Variants in PCDH11X observed in about 807,000 individuals in gnomAD.
PCDH11X encodes the protein protocadherin 11 X-linked, also known as protocadherin-11 X-linked.
A neutral mutation model predicts 53.3 loss-of-function variants in PCDH11X; 18 were observed. That is an observed-to-expected ratio of 0.34 (90% confidence interval 0.23 to 0.50). PCDH11X has a LOEUF of 0.50. PCDH11X is among the 20% of genes least tolerant of loss of function. PCDH11X has a pLI of 0.98. For synonymous variants in PCDH11X, 279 were observed against 393.3 expected (o/e 0.71, Z 3.44); for missense variants, 570 against 1,032.4 (o/e 0.55, Z 6.14).
Position 92,322,923 on chromosome X carries a change from C to T in PCDH11X, c.3144+59780C>T, listed in dbSNP as rs764366536. Among the ~76,000 whole-genome samples, 244 of 111,102 alleles carry T rather than the reference C, an allele frequency of 2.2e-3. 1 individual carries two copies. The highest frequency in any genetic ancestry group is 5.5e-3 in the Admixed American group (57 of 10,436). On this transcript the variant is annotated intron_variant, in intron 8 of 10. Transcript: ENST00000682573. ...TAGATCTGTCAAACAGGTCGTGTTT[C>T]CTCTCTCAGGATTCAGATTGTCTAG...
rs759452662 is a variant in PCDH11X at position 92,277,045 on chromosome X, G to A, written c.3144+13902G>A. Among the ~76,000 whole-genome samples the A allele has an allele frequency of 5.4e-5, 6 of 110,973 alleles. No homozygotes were observed. In the East Asian group the frequency reaches 8.6e-4, roughly 16 times the overall value. ...TGGACCAGGTGTGAGGAGGGGAGGCGATAAAGAGATTATAGGGTGGAAGAA... is the reference window on the plus strand; with the variant it reads ...TGGACCAGGTGTGAGGAGGGGAGGCAATAAAGAGATTATAGGGTGGAAGAA... On this transcript the variant is annotated intron_variant, in intron 8 of 10. Transcript: ENST00000682573.
At chrX:92,038,123 C>T (rs1407508433) in intron 6 of PCDH11X, among the ~76,000 whole-genome samples, 2 of 110,827 alleles carry the variant, frequency 1.8e-5, no homozygotes, top group Admixed American at 9.6e-5. Context: ...CAGAGCCTGA[C>T]AATGTAATAG....
intron 6 of PCDH11X, among the ~76,000 whole-genome samples, chrX:92,107,960 G>A (rs921843594): frequency 7.1e-5 from 8 of 112,136 alleles, no homozygotes; most frequent in Non-Finnish European, 1.5e-4. Context: ...TTGATAGTTT[G>A]TGAAATATCT....
At position 91,865,468 on chromosome X, in the gene PCDH11X, A is replaced by C. The variant is rs561765493; in HGVS notation, c.541-11313A>C. On this transcript the variant is annotated intron_variant, in intron 5 of 10. Coordinates refer to ENST00000682573, the MANE Select transcript of PCDH11X (RefSeq NM_032968.5). Reference sequence around the variant, plus strand: ...ACCTGGTCAGACCTAAAGCCAGCTCAGCACTGGGTCTCACCCAAGTTCAAG... The same window carrying C: ...ACCTGGTCAGACCTAAAGCCAGCTCCGCACTGGGTCTCACCCAAGTTCAAG... Among the ~76,000 whole-genome samples, 4 of 108,538 alleles carry C rather than the reference A, an allele frequency of 3.7e-5. No homozygotes were observed. The South Asian group carries it at 1.7e-3, about 45-fold the overall frequency. The allele number at this position is 108,538 out of a possible 115,157, so 94.3% of individuals were successfully genotyped here.
intron 7 of PCDH11X, among the ~76,000 whole-genome samples, chrX:92,223,426 T>A (rs1051846088): frequency 6.3e-5 from 7 of 111,727 alleles, no homozygotes; most frequent in Non-Finnish European, 1.3e-4. Context: ...TATGTCATAT[T>A]CCCCCAGTAC....
chrX:92,101,628 A>G (rs185588428), intron 6 of PCDH11X, among the ~76,000 whole-genome samples: 3,749 of 110,268 alleles, frequency 0.034, 198 homozygotes, highest in African/African-American at 0.12. Context: ...TGTCTGACAG[A>G]ACGGAAGAAA....
At chrX:91,904,896 T>A (rs1438887062) in intron 6 of PCDH11X, among the ~76,000 whole-genome samples, 2 of 110,226 alleles carry the variant, frequency 1.8e-5, no homozygotes, top group Non-Finnish European at 3.8e-5. Context: ...GGCAATTCCA[T>A]TAAAATCTAT....
intron 6 of PCDH11X, among the ~76,000 whole-genome samples, chrX:92,186,749 G>C (rs1286815106): frequency 2.7e-5 from 3 of 110,908 alleles, no homozygotes; most frequent in Non-Finnish European, 1.9e-5. Context: ...ATAGGTTCTA[G>C]CTTTCATAGC....
chrX:92,332,477 T>C (rs1316169180), intron 8 of PCDH11X, among the ~76,000 whole-genome samples: 31 of 111,480 alleles, frequency 2.8e-4, no homozygotes, highest in African/African-American at 1.0e-3. Flanking sequence ...TCAAAGTTTT[T>C]AATTTGAGCT....
At chrX:91,823,853 C>G (rs1284997705) in intron 4 of PCDH11X, among the ~76,000 whole-genome samples, 1 of 110,857 alleles carries the variant, frequency 9.0e-6, no homozygotes, top group African/African-American at 3.3e-5. Flanking sequence ...TTCAGCAGCT[C>G]TTTTAGGGCA....
At chrX:92,343,652 C>T (rs1173217804) in intron 8 of PCDH11X, among the ~76,000 whole-genome samples, 1 of 111,425 alleles carries the variant, frequency 9.0e-6, no homozygotes, top group Non-Finnish European at 1.9e-5. Flanking sequence ...TTTGAATTAT[C>T]TAGTGGAAAT....
chrX:92,387,841 G>A lies in PCDH11X; in HGVS notation c.3251G>A (p.Gly1084Asp). The change falls in exon 9 of 11, where the codon GGC becomes GAC. Residue 1084 changes from glycine (G) to aspartate (D), a missense_variant. Physicochemically the swap from Gly to Asp is moderately conservative, Grantham distance 94. This residue lies in a region of PCDH11X where 234 missense variants were observed against 296.1 expected (regional missense o/e 0.79). Transcript: ENST00000682573. ...DAGSLTSTSH[G>D]LPLGYPQEEY... ...GGCAGCCTTACCAGCACATCTCATGGCCTGCCCCTTGGCTATCCTCAGGAG... is the reference window on the plus strand; with the variant it reads ...GGCAGCCTTACCAGCACATCTCATGACCTGCCCCTTGGCTATCCTCAGGAG... 8.3e-7 allele frequency: 1 copy of A among 1,211,553 alleles called. No individual in the cohort carries two copies. The highest frequency in any genetic ancestry group is 1.1e-6 in the Non-Finnish European group (1 of 895,417).
chrX:92,262,848 C>T lies in PCDH11X; in HGVS notation c.3115-266C>T, dbSNP rs183897595. On this transcript the variant is annotated intron_variant, in intron 7 of 10. Coordinates refer to ENST00000682573, the MANE Select transcript of PCDH11X (RefSeq NM_032968.5). ...GTGAGCTAAGCATATATTTTTTGTG[C>T]CAATTGAAATTTTGTATGTGGCTCT... Among the ~76,000 whole-genome samples, 220 of 110,872 alleles carry T rather than the reference C, an allele frequency of 2.0e-3. 1 individual carries two copies. Among genetic ancestry groups the T allele is most frequent in the African/African-American group, 6.9e-3 (211 of 30,621 alleles).
At chrX:92,316,116 G>A (rs1402651503) in intron 8 of PCDH11X, among the ~76,000 whole-genome samples, 3 of 100,623 alleles carry the variant, frequency 3.0e-5, no homozygotes, top group East Asian at 3.4e-4. Flanking sequence ...CTTTGTGCCG[G>A]CAATTGTGCT....
Position 91,878,641 on chromosome X carries a change from G to C in PCDH11X, c.2401G>C (p.Ala801Pro). Residue 801 changes from alanine to proline, a missense_variant, in exon 6 of 11, where the codon GCT (alanine) becomes CCT (proline). By Grantham distance (27) the Ala-to-Pro change is conservative. Transcript: ENST00000682573. Reference sequence around the variant, plus strand: ...ACCAGTGACCCCAAATACTGAGATAGCTGATGTATCCTCACCAACTAGTGA... The same window carrying C: ...ACCAGTGACCCCAAATACTGAGATACCTGATGTATCCTCACCAACTAGTGA... The part of the protein sequence containing the change: ...EAPVTPNTEI[A>P]DVSSPTSDYV... The C allele has an allele frequency of 1.7e-6, 2 of 1,210,994 alleles. No individual in the cohort carries two copies. The highest frequency in any genetic ancestry group is 2.2e-6 in the Non-Finnish European group (2 of 895,328).
At chrX:92,508,340 A>G (rs1401249766) in intron 10 of PCDH11X, among the ~76,000 whole-genome samples, 1 of 109,567 alleles carries the variant, frequency 9.1e-6, no homozygotes, top group Non-Finnish European at 1.9e-5. Flanking sequence ...TCTTTGCCTC[A>G]GTCTCCCAAG....
chrX:91,849,395 G>T lies in PCDH11X; in HGVS notation c.540+13351G>T, dbSNP rs1255987663. Among the ~76,000 whole-genome samples the T allele has an allele frequency of 4.5e-5, 5 of 109,994 alleles. No individual in the cohort carries two copies. In the East Asian group the frequency reaches 1.4e-3, roughly 31 times the overall value. On this transcript the variant is annotated intron_variant, in intron 5 of 10. Transcript: ENST00000682573. Reference sequence around the variant, plus strand: ...AATTCATCACCCAGGTACTAAGACAGGTAAGTACCCAATAGTTATTTTTTT... The same window carrying T: ...AATTCATCACCCAGGTACTAAGACATGTAAGTACCCAATAGTTATTTTTTT...
At chrX:92,503,169 CA>C (rs2073990839) in intron 10 of PCDH11X, among the ~76,000 whole-genome samples, 1 of 108,062 alleles carries the variant, frequency 9.3e-6, no homozygotes, top group Non-Finnish European at 1.9e-5. Flanking sequence ...ATCAAAACCA[CA>C]ATGATATACC....
intron 6 of PCDH11X, among the ~76,000 whole-genome samples, chrX:91,993,279 T>A (rs1358954249): frequency 8.9e-6 from 1 of 112,911 alleles, no homozygotes; most frequent in Non-Finnish European, 1.9e-5. Context: ...AAATCTGTGT[T>A]CTCATTAATT....
Sources: gnomAD v4.1 joint callset for allele counts (sites outside exome capture counted in the v4.1 genomes callset) on GRCh38, gnomAD v4.1.1 for gene constraint, gnomAD v4.1.1 regional missense constraint, MANE v1.5 for transcripts, NCBI Gene and HGNC (gene_info 2026-07-23, HGNC 2026-07-21) for gene names.